PKHD1: variants seen among roughly 807,000 people sequenced by gnomAD.
PKHD1 encodes the protein fibrocystin.
A neutral mutation model predicts 412.0 loss-of-function variants in PKHD1; 291 were observed. That is an observed-to-expected ratio of 0.71 (90% confidence interval 0.64 to 0.78). The LOEUF is 0.78. Ranked by LOEUF, PKHD1 falls within the 30% of genes least tolerant of loss-of-function variation. The pLI is 0.00. For missense variants in PKHD1, 4,825 were observed against 4,950.7 expected, an observed-to-expected ratio of 0.97 and a Z score of 0.76; for synonymous variants, 1,777 against 1,821.5, an observed-to-expected ratio of 0.98 and a Z score of 0.62.
intron 37 of PKHD1, among the ~76,000 whole-genome samples, chr6:51,919,641 A>G (rs1271820645): frequency 6.6e-6 from 1 of 152,190 alleles, no homozygotes; most frequent in Non-Finnish European, 1.5e-5. Context: ...TGAACTTTAA[A>G]GAAGTTTTTT....
In PKHD1 at chr6:51,925,013, C is replaced by G. The variant is rs373516961; in HGVS notation, c.6121+9097G>C. On this transcript the variant is annotated intron_variant, in intron 37 of 66. Transcript: ENST00000371117. ...CGTTTTATAGATGTGGGAACTGAAA[C>G]ACTGGGGAGTTTTTTAAGGTCCACT... Among the ~76,000 whole-genome samples the G allele has an allele frequency of 2.6e-5, 4 of 152,146 alleles. No individual in the cohort carries two copies. The East Asian group carries it at 5.8e-4, about 22-fold the overall frequency.
chr6:51,711,331 A>G (rs1301896265), intron 60 of PKHD1, among the ~76,000 whole-genome samples: 1 of 152,136 alleles, frequency 6.6e-6, no homozygotes, highest in Non-Finnish European at 1.5e-5. Flanking sequence ...CCATCTCCCA[A>G]ATAAATAACC....
intron 52 of PKHD1, among the ~76,000 whole-genome samples, chr6:51,800,193 T>A (rs1256071379): frequency 6.6e-6 from 1 of 152,200 alleles, no homozygotes. Context: ...TAACCACTTG[T>A]TCATCCATCA....
chr6:51,896,322 C>T (rs1041676649), intron 43 of PKHD1, among the ~76,000 whole-genome samples: 18 of 151,958 alleles, frequency 1.2e-4, no homozygotes, highest in South Asian at 1.0e-3. Context: ...GATCTGAGAA[C>T]GGGCAGACTG....
chr6:52,085,048 T>A (rs1331202010), intron 1 of PKHD1, 31 bp from the exon 2 acceptor site: 10 of 793,318 alleles, frequency 1.3e-5, no homozygotes, highest in Admixed American at 5.4e-5. Flanking sequence ...CAAAAAAAAA[T>A]TATCATTTTG....
chr6:51,690,271 C>CAAAAAAA lies in PKHD1; in HGVS notation c.10157-30309_10157-30303dup, dbSNP rs70977310. On this transcript the variant is annotated intron_variant, in intron 60 of 66. Coordinates refer to ENST00000371117, the MANE Select transcript of PKHD1 (RefSeq NM_138694.4). ...TGGGTGACAGAGTGAGACTCCATCT[C>CAAAAAAA]AAAAAAAAAAAAAAAAAAAAAAAAA... Among the ~76,000 whole-genome samples, 47 of 109,920 alleles carry CAAAAAAA rather than the reference C, an allele frequency of 4.3e-4. 1 individual carries two copies. The highest frequency in any genetic ancestry group is 7.0e-4 in the Non-Finnish European group (38 of 54,414). 72.1% of individuals were successfully genotyped at this position (109,920 alleles called of 152,430 possible).
intron 35 of PKHD1, among the ~76,000 whole-genome samples, chr6:51,962,808 C>A (rs1215406818): frequency 6.6e-6 from 1 of 152,010 alleles, no homozygotes; most frequent in East Asian, 1.9e-4. Context: ...TTTTAAAAAG[C>A]ACCCCCAATC....
intron 27 of PKHD1, among the ~76,000 whole-genome samples, chr6:52,038,797 T>C (rs1344639635): frequency 2.6e-5 from 4 of 152,224 alleles, no homozygotes; most frequent in African/African-American, 7.2e-5. Flanking sequence ...GAGGAAAACA[T>C]AGGCATAAAT....
At chr6:51,837,258 T>G (rs1008335868) in intron 50 of PKHD1, among the ~76,000 whole-genome samples, 2 of 152,196 alleles carry the variant, frequency 1.3e-5, no homozygotes, top group African/African-American at 4.8e-5. Flanking sequence ...GTTTGTCACA[T>G]GAGCCACACC....
chr6:51,873,488 A>G (rs1776335388), intron 46 of PKHD1, among the ~76,000 whole-genome samples: 1 of 152,090 alleles, frequency 6.6e-6, no homozygotes, highest in Non-Finnish European at 1.5e-5. Context: ...GCAATGTTCT[A>G]TTTCTTGTTC....
intron 51 of PKHD1, among the ~76,000 whole-genome samples, chr6:51,834,312 C>T (rs953478780): frequency 6.6e-6 from 1 of 152,058 alleles, no homozygotes; most frequent in African/African-American, 2.4e-5. Context: ...CTGCCTGATT[C>T]TCAGAGATCA....
chr6:51,966,885 T>TGATTGGATTGGATTGGATTGGATTG (rs10599413), intron 35 of PKHD1, among the ~76,000 whole-genome samples: 223 of 149,996 alleles, frequency 1.5e-3, no homozygotes, highest in Middle Eastern at 6.8e-3. Flanking sequence ...GAGACTGCTC[T>TGATTGGATTGGATTGGATTGGATTG]GATTGGATTG....
intron 36 of PKHD1, among the ~76,000 whole-genome samples, chr6:51,936,151 C>A (rs1002726598): frequency 2.0e-4 from 30 of 152,162 alleles, no homozygotes; most frequent in Non-Finnish European, 7.4e-5. Context: ...TGGCACTCAA[C>A]ACACAATTAA....
intron 64 of PKHD1, among the ~76,000 whole-genome samples, chr6:51,635,876 C>CGGGGGGGGGGGTGG (rs1581768607): frequency 2.4e-5 from 1 of 41,506 alleles, no homozygotes. Flanking sequence ...GGCGGGGGGC[C>CGGGGGGGGGGGTGG]GGGGGCGGAT....
chr6:51,767,256 T>G (rs1789217694), intron 55 of PKHD1, among the ~76,000 whole-genome samples: 1 of 152,122 alleles, frequency 6.6e-6, no homozygotes, highest in South Asian at 2.1e-4. Flanking sequence ...TTTCTCTTTT[T>G]TTTGGCCTTT....
At chr6:51,658,095 A>G (rs1363874761) in intron 61 of PKHD1, among the ~76,000 whole-genome samples, 6 of 152,136 alleles carry the variant, frequency 3.9e-5, no homozygotes, top group African/African-American at 1.4e-4. Context: ...TCATACCACC[A>G]TACACAATAT....
chr6:51,994,236 G>A (rs575659088), intron 35 of PKHD1, among the ~76,000 whole-genome samples: 1 of 151,532 alleles, frequency 6.6e-6, no homozygotes, highest in East Asian at 1.9e-4. Flanking sequence ...CCGGGTTCAC[G>A]CCATTCTCCT....
chr6:51,783,372 T>C (rs1418581833), intron 53 of PKHD1, among the ~76,000 whole-genome samples: 1 of 148,934 alleles, frequency 6.7e-6, no homozygotes, highest in Non-Finnish European at 1.5e-5. Flanking sequence ...TTATATAAAT[T>C]TATTATTTTA....
At chr6:52,043,551 G>T in intron 26 of PKHD1, 74 bp downstream of exon 26, 1 of 1,010,756 alleles carries the variant, frequency 9.9e-7, no homozygotes, top group Non-Finnish European at 1.6e-6. Flanking sequence ...CCCATCACCA[G>T]CTACATGGCC....
Sources: allele counts gnomAD v4.1 joint callset (sites outside exome capture counted in the v4.1 genomes callset), GRCh38; gene constraint gnomAD v4.1.1; transcripts MANE v1.5; gene names NCBI Gene and HGNC (gene_info 2026-07-23, HGNC 2026-07-21).